R3HDM1: variants seen among roughly 807,000 people sequenced by gnomAD.
The protein encoded by R3HDM1 is R3H domain containing 1.
R3HDM1 carries 46 observed loss-of-function variants against 141.1 expected under a neutral mutation model. That is an observed-to-expected ratio of 0.33 (90% CI 0.26 to 0.42). The LOEUF (loss-of-function observed/expected upper bound fraction) is 0.42, where lower values mean the gene tolerates loss of function less well. Ranked by LOEUF, R3HDM1 falls within the 10% of genes least tolerant of loss-of-function variation. R3HDM1 has a pLI of 1.00. For synonymous variants in R3HDM1, 435 were observed against 472.9 expected (o/e 0.92, Z 1.04); for missense variants, 1,184 against 1,368.3 (o/e 0.87, Z 2.12).
rs1559221254 is a variant in R3HDM1, at chr2:135,604,962, G to A, written c.117G>A (p.Gly39=). Residue 39 remains glycine (G), a synonymous_variant, in exon 3 of 27, where the codon GGG becomes GGA. Transcript: ENST00000683871. ...ATCTTATCAAATCAGAAAACTATGG[G>A]AAGATTTTGGTAGAGAAGAATGAAC... ...VENLIKSENY[G]KILVEKNEHC... is the part of the protein sequence containing the mutation. 1.1e-5 allele frequency: 17 copies of A among 1,612,290 alleles called. No homozygotes were observed. The highest frequency in any genetic ancestry group is 1.4e-5 in the Non-Finnish European group (17 of 1,178,830).
intron 1 of R3HDM1, 151 bp downstream of exon 1, chr2:135,531,784 G>T: frequency 1.0e-6 from 1 of 985,366 alleles, no homozygotes; most frequent in Non-Finnish European, 1.2e-6. Context: ...CCGCCGGGTC[G>T]TCGGCGCTTC....
chr2:135,630,300 A>AAAAC lies in R3HDM1; in HGVS notation c.498-1415_498-1414insCAAA, dbSNP rs1322559469. Among the ~76,000 whole-genome samples, 104 of 145,750 alleles carry AAAAC rather than the reference A, an allele frequency of 7.1e-4. 1 individual carries two copies. The highest frequency in any genetic ancestry group is 2.7e-3 in the African/African-American group (102 of 37,298). ...CTCAACCAAAAAAAAAAAAAAAAAA[A>AAAAC]AAAAAAAACAAAAAAAAAACGAGAT... On this transcript the variant is annotated intron_variant, in intron 7 of 26. Coordinates refer to ENST00000683871, the MANE Select transcript of R3HDM1 (RefSeq NM_001378107.1).
At position 135,554,597 on chromosome 2, in the gene R3HDM1, G is replaced by A. The variant is rs571859423; in HGVS notation, c.-250+22964G>A. On this transcript the variant is annotated intron_variant, in intron 1 of 26. Coordinates refer to ENST00000683871, the MANE Select transcript of R3HDM1 (RefSeq NM_001378107.1). ...GAGAAACTGCCAAACAGTTTTCTAA[G>A]GTGGCTATACCATTTTGCATTCTCA... Among the ~76,000 whole-genome samples, 35 of 152,284 alleles carry A rather than the reference G, an allele frequency of 2.3e-4. No individual in the cohort carries two copies. The South Asian group carries it at 6.2e-3, about 27-fold the overall frequency.
chr2:135,553,547 C>T (rs900539875), intron 1 of R3HDM1, among the ~76,000 whole-genome samples: 1 of 152,090 alleles, frequency 6.6e-6, no homozygotes, highest in Non-Finnish European at 1.5e-5. Context: ...CAAGCTGATG[C>T]CCGATCAAGC....
intron 1 of R3HDM1, among the ~76,000 whole-genome samples, chr2:135,538,787 T>C (rs1431530536): frequency 6.6e-6 from 1 of 152,148 alleles, no homozygotes; most frequent in African/African-American, 2.4e-5. Flanking sequence ...CTAATTTTTG[T>C]ATTTTTGGTA....
intron 20 of R3HDM1, among the ~76,000 whole-genome samples, chr2:135,679,586 A>G (rs552335595): frequency 6.6e-6 from 1 of 152,290 alleles, no homozygotes; most frequent in Admixed American, 6.5e-5. Context: ...CTCTTTCTAT[A>G]TCAAATGGCC....
chr2:135,682,221 C>G (rs1376942638), intron 21 of R3HDM1, among the ~76,000 whole-genome samples: 1 of 151,682 alleles, frequency 6.6e-6, no homozygotes, highest in Non-Finnish European at 1.5e-5. Context: ...CCAAAGTCAT[C>G]ATTTCTATGT....
intron 19 of R3HDM1, chr2:135,669,065 T>A (rs1230451124): frequency 4.5e-5 from 39 of 858,896 alleles, no homozygotes; most frequent in Non-Finnish European, 5.3e-5. Flanking sequence ...TTTTTAGAGA[T>A]GGAGTCTCAC....
intron 1 of R3HDM1, among the ~76,000 whole-genome samples, chr2:135,540,542 C>T (rs1697255381): frequency 6.6e-6 from 1 of 152,168 alleles, no homozygotes; most frequent in African/African-American, 2.4e-5. Flanking sequence ...TCTCCCACCT[C>T]AGTGCTGGTG....
At position 135,619,018 on chromosome 2, in the gene R3HDM1, T is replaced by A. The variant is rs910415218; in HGVS notation, c.303+2261T>A. 2.9e-4 allele frequency among the ~76,000 whole-genome samples: 37 copies of A among 129,578 alleles called. No homozygotes were observed. The South Asian group carries it at 5.1e-3, about 18-fold the overall frequency. The allele number at this position is 129,578 out of a possible 152,430, so 85.0% of individuals were successfully genotyped here. ...CTGGGTGACAAGAGCGAAACTCTTATCTCAAAAAAAAAAAAAAAAAAAGTT... is the reference window on the plus strand; with the variant it reads ...CTGGGTGACAAGAGCGAAACTCTTAACTCAAAAAAAAAAAAAAAAAAAGTT... On this transcript the variant is annotated intron_variant, in intron 5 of 26. Transcript: ENST00000683871.
At chr2:135,563,226 T>TG in intron 1 of R3HDM1, among the ~76,000 whole-genome samples, 1 of 152,366 alleles carries the variant, frequency 6.6e-6, no homozygotes, top group East Asian at 1.9e-4. Flanking sequence ...ACTCTTGTGC[T>TG]GGGGCCATAT....
chr2:135,624,238 A>G (rs1244363798), intron 7 of R3HDM1, among the ~76,000 whole-genome samples: 1 of 152,076 alleles, frequency 6.6e-6, no homozygotes, highest in Non-Finnish European at 1.5e-5. Flanking sequence ...TACTAAAAAT[A>G]TAAAAAATTA....
chr2:135,556,494 C>T (rs1176015129), intron 1 of R3HDM1, among the ~76,000 whole-genome samples: 1 of 150,954 alleles, frequency 6.6e-6, no homozygotes, highest in Non-Finnish European at 1.5e-5. Flanking sequence ...GTTGATTGAT[C>T]ATTTATTATG....
At chr2:135,698,142 A>G (rs1289348757) in intron 21 of R3HDM1, among the ~76,000 whole-genome samples, 5 of 147,284 alleles carry the variant, frequency 3.4e-5, no homozygotes, top group Non-Finnish European at 6.0e-5. Flanking sequence ...GAAGGCAGGG[A>G]TACTTCTTTT....
intron 1 of R3HDM1, among the ~76,000 whole-genome samples, chr2:135,592,417 G>A (rs1196635281): frequency 1.3e-5 from 2 of 152,170 alleles, no homozygotes; most frequent in African/African-American, 2.4e-5. Context: ...TAACTCCGAG[G>A]TCAAGACTGA....
chr2:135,661,535 T>TTTGC (rs2066712044), intron 19 of R3HDM1, 142 bp downstream of exon 19: 1 of 1,081,856 alleles, frequency 9.2e-7, no homozygotes, highest in Non-Finnish European at 1.3e-6. Context: ...ACCAATGAGA[T>TTTGC]TAAAAGAGTG....
intron 19 of R3HDM1, among the ~76,000 whole-genome samples, chr2:135,671,136 ATAAAGT>A (rs985562899): frequency 3.3e-5 from 5 of 150,632 alleles, no homozygotes; most frequent in African/African-American, 1.2e-4. Flanking sequence ...CATACTAGAT[ATAAAGT>A]TAAACAGTTT....
chr2:135,634,633 G>C (rs2063077274), intron 9 of R3HDM1, among the ~76,000 whole-genome samples: 1 of 152,164 alleles, frequency 6.6e-6, no homozygotes, highest in Admixed American at 6.5e-5. Context: ...GACAGAGTGA[G>C]ACTCTGTCTC....
chr2:135,562,806 T>C (rs1702036626), intron 1 of R3HDM1, among the ~76,000 whole-genome samples: 2 of 152,346 alleles, frequency 1.3e-5, no homozygotes, highest in African/African-American at 4.8e-5. Context: ...GATAAATTCA[T>C]CTTTAGCAAA....
Sources: allele counts gnomAD v4.1 joint callset (sites outside exome capture counted in the v4.1 genomes callset), GRCh38; gene constraint gnomAD v4.1.1; transcripts MANE v1.5; gene names NCBI Gene and HGNC (gene_info 2026-07-23, HGNC 2026-07-21).